Variants in PAX4 observed in about 807,000 individuals in gnomAD.
PAX4 encodes paired box 4.
PAX4 carries 33 observed loss-of-function variants against 40.6 expected under a neutral mutation model. The observed-to-expected ratio is 0.81, with a 90% CI of 0.62 to 1.09. The LOEUF is 1.09. PAX4 is among the 50% of genes least tolerant of loss of function. The pLI is 0.00. For missense variants in PAX4, 459 were observed against 442.5 expected (o/e 1.04, Z -0.33); for synonymous variants, 174 against 170.6 (o/e 1.02, Z -0.16).
At chr7:127,613,619 C>T in intron 7 of PAX4, 87 bp from the exon 8 acceptor site, 2 of 1,581,788 alleles carry the variant, frequency 1.3e-6, no homozygotes, top group South Asian at 1.1e-5. Flanking sequence ...CCACCTGCTA[C>T]AACCCCAAAC....
chr7:127,613,418 G>A (rs780825142), intron 8 of PAX4, 32 bp downstream of exon 8: 4 of 1,602,410 alleles, frequency 2.5e-6, no homozygotes, highest in Non-Finnish European at 3.4e-6. Context: ...CTTCCTCCTT[G>A]TGGTTTGTAC....
At chr7:127,613,574 G>A (rs376633274) in intron 7 of PAX4, 42 bp from the exon 8 acceptor site, 230 of 1,603,636 alleles carry the variant, frequency 1.4e-4, no homozygotes, top group Non-Finnish European at 1.9e-4. Flanking sequence ...ACCGGGAGAG[G>A]AGCAAGGCAT....
In PAX4 at chr7:127,614,869, A is replaced by C. The variant is rs1390037097; in HGVS notation, c.360+11T>G. On this transcript the variant is annotated intron_variant, in intron 5 of 11. Transcript: ENST00000639438. ...TTTCCAGCCCCAGTGTGGGGAGGGA[A>C]GGGTACTTACACTGGGAGTCTTGTC... 6.2e-7 allele frequency: 1 copy of C among 1,613,420 alleles called. No individual in the cohort carries two copies. The highest frequency in any genetic ancestry group is 8.5e-7 in the Non-Finnish European group (1 of 1,179,638).
chr7:127,617,039 A>T (rs990207358), intron 2 of PAX4, among the ~76,000 whole-genome samples: 1 of 152,212 alleles, frequency 6.6e-6, no homozygotes, highest in African/African-American at 2.4e-5. Flanking sequence ...TAAGCGTGCC[A>T]TCTGGGCTTA....
chr7:127,611,192 G>C lies in PAX4; in HGVS notation c.928C>G (p.Gln310Glu). 1 of 1,599,768 alleles carries C rather than the reference G, an allele frequency of 6.3e-7. No homozygotes were observed. Among genetic ancestry groups the C allele is most frequent in the Non-Finnish European group, 8.5e-7 (1 of 1,173,438 alleles). Residue 310 changes from glutamine (Q) to glutamate (E), a missense_variant, in exon 12 of 12, where the codon CAG becomes GAG. By Grantham distance (29) the Gln-to-Glu change is conservative. Coordinates refer to ENST00000639438, the MANE Select transcript of PAX4 (RefSeq NM_001366110.1). ...AGTCCTGAGTCCAGGGAATTCGGCTGTGGGGGCAAGTGGCCTGTGGGGACA... is the reference window on the plus strand; with the variant it reads ...AGTCCTGAGTCCAGGGAATTCGGCTCTGGGGGCAAGTGGCCTGTGGGGACA... The part of the protein sequence containing the change: ...LKPCWGHLPP[Q>E]PNSLDSGLLC...
rs531729557 is a variant in PAX4 at position 127,615,008 on chromosome 7, G to T, written c.232C>A (p.Arg78=). 1 of 1,614,206 alleles carries T rather than the reference G, an allele frequency of 6.2e-7. No homozygotes were observed. The highest frequency in any genetic ancestry group is 8.5e-7 in the Non-Finnish European group (1 of 1,180,032). Residue 78 remains arginine (R), a synonymous_variant, in exon 5 of 12, where the codon CGG becomes AGG. Transcript: ENST00000639438. ...EPKGIGGSKP[R]LATPPVVARI... ...GCCACCACAGGGGGTGTAGCCAGCC[G>T]TGGCTTGCTTCCCCCAATGCCCTTT...
chr7:127,617,480 C>G (rs990867193), intron 1 of PAX4, 80 bp from the exon 2 acceptor site: 1 of 152,158 alleles, frequency 6.6e-6, no homozygotes, highest in African/African-American at 2.4e-5. Flanking sequence ...ATCCTGGGCT[C>G]TCTTTCTCTG....
Position 127,613,008 on chromosome 7 carries a change from T to C in PAX4, c.715+14A>G. The C allele has an allele frequency of 6.2e-7, 1 of 1,605,548 alleles. No homozygotes were observed. The highest frequency in any genetic ancestry group is 8.5e-7 in the Non-Finnish European group (1 of 1,173,692). ...GACTGAGCGGGCAGATGGATGATGG[T>C]GCAGAGAAATCACCTGGCAGCTGCA... is the stretch of plus-strand genomic sequence containing the variant. On this transcript the variant is annotated intron_variant, in intron 9 of 11. Coordinates refer to ENST00000639438, the MANE Select transcript of PAX4 (RefSeq NM_001366110.1).
chr7:127,613,713 A>G, intron 7 of PAX4, 43 bp downstream of exon 7: 1 of 1,612,960 alleles, frequency 6.2e-7, no homozygotes, highest in Admixed American at 1.7e-5. Flanking sequence ...TCCCTGTGTC[A>G]CACTGAGGAC....
chr7:127,611,844 G>C, intron 10 of PAX4, 101 bp downstream of exon 10: 1 of 1,596,598 alleles, frequency 6.3e-7, no homozygotes, highest in East Asian at 2.2e-5. Flanking sequence ...GAACACTGTG[G>C]GGCCCTGGAG....
chr7:127,611,564 G>A lies in PAX4; in HGVS notation c.884C>T (p.Pro295Leu). The change falls in exon 11 of 12, where the codon CCA becomes CTA. Residue 295 changes from proline to leucine, a missense_variant. Transcript: ENST00000639438. ...GCAGGGCTTGAGACAGGCTTTAGGT[G>A]GGGTGTCACTCAGACACCTTTCTGG... is the stretch of plus-strand genomic sequence containing the variant. ...TAPERCLSDT[P>L]PKACLKPCWG... is the part of the protein sequence containing the mutation. The A allele has an allele frequency of 6.2e-7, 1 of 1,613,710 alleles. No homozygotes were observed. The highest frequency in any genetic ancestry group is 8.5e-7 in the Non-Finnish European group (1 of 1,179,814).
rs1794707115 is a variant in PAX4 at position 127,615,344 on chromosome 7, G to A, written c.144+57C>T. 13 of 1,613,480 alleles carry A rather than the reference G, an allele frequency of 8.1e-6. 1 individual carries two copies. Among genetic ancestry groups the A allele is most frequent in the Non-Finnish European group, 1.7e-6 (2 of 1,179,892 alleles). ...CAGCCCCAGGCTCTTGCCTTCAGAG[G>A]AGCCCTTTCTCCCTGCTTCCTGTCC... On this transcript the variant is annotated intron_variant, in intron 4 of 11. Coordinates refer to ENST00000639438, the MANE Select transcript of PAX4 (RefSeq NM_001366110.1).
Position 127,611,209 on chromosome 7 carries a change from G to A in PAX4, c.914-3C>T. On this transcript the variant is annotated splice_polypyrimidine_tract_variant and splice_region_variant and intron_variant, in intron 11 of 11. Transcript: ENST00000639438. ...ATTCGGCTGTGGGGGCAAGTGGCCT[G>A]TGGGGACAAATAGAGAGAGCTTGGG... The A allele has an allele frequency of 6.3e-7, 1 of 1,594,516 alleles. No individual in the cohort carries two copies. Among genetic ancestry groups the A allele is most frequent in the South Asian group, 1.1e-5 (1 of 88,202 alleles).
chr7:127,611,280 C>A (rs1794620969), intron 11 of PAX4, 74 bp from the exon 12 acceptor site: 1 of 1,403,926 alleles, frequency 7.1e-7, no homozygotes, highest in Non-Finnish European at 9.9e-7. Context: ...GGGAGAGAGG[C>A]TGAGACATCA....
At chr7:127,615,868 C>T (rs982620814) in intron 3 of PAX4, 48 bp downstream of exon 3, 12 of 1,535,838 alleles carry the variant, frequency 7.8e-6, no homozygotes, top group Non-Finnish European at 9.6e-6. Context: ...AGGTCTTCCC[C>T]TGTCTCTGTT....
intron 4 of PAX4, 137 bp from the exon 5 acceptor site, chr7:127,615,232 C>A (rs1376447244): frequency 1.9e-6 from 3 of 1,590,670 alleles, no homozygotes; most frequent in Non-Finnish European, 8.5e-7. Flanking sequence ...CCAGCCTCAC[C>A]TTTGAGGGCC....
In PAX4 at chr7:127,615,429, C is replaced by T. The variant is rs115887120; in HGVS notation, c.116G>A (p.Arg39Gln). The change falls in exon 4 of 12, where the codon CGG (arginine) becomes CAG (glutamine). Residue 39 changes from arginine to glutamine, a missense_variant. By Grantham distance (43) the Arg-to-Gln change is conservative (BLOSUM62 1). Transcript: ENST00000639438. ...AAGGATCCGTGAGATGTCACAGGGC[C>T]GCATTCCACTGACTGCTAGCCGCAC... The part of the protein sequence containing the change: ...QIVRLAVSGM[R>Q]PCDISRILKV... The T allele has an allele frequency of 1.4e-3, 2,244 of 1,614,198 alleles. 30 individuals are homozygous for T. In the East Asian group the frequency reaches 0.024, roughly 17 times the overall value.
intron 2 of PAX4, among the ~76,000 whole-genome samples, chr7:127,616,288 A>G (rs191267360): frequency 5.3e-5 from 8 of 152,282 alleles, no homozygotes; most frequent in African/African-American, 1.9e-4. Context: ...TTCATTAGAA[A>G]AGTTTGGGGA....
chr7:127,614,745 A>G (rs1794695773), intron 5 of PAX4, 135 bp downstream of exon 5: 1 of 1,334,380 alleles, frequency 7.5e-7, no homozygotes, highest in African/African-American at 1.5e-5. Flanking sequence ...TTTCAAAAGA[A>G]AAACTTATGG....
Sources: allele counts gnomAD v4.1 joint callset (sites outside exome capture counted in the v4.1 genomes callset), GRCh38; gene constraint gnomAD v4.1.1; transcripts MANE v1.5; gene names NCBI Gene and HGNC (gene_info 2026-07-23, HGNC 2026-07-21).